The following RASGEF1B variants were observed in gnomAD, a reference collection of about 807,000 sequenced individuals.
RASGEF1B encodes the protein RasGEF domain family member 1B.
A neutral mutation model predicts 65.7 loss-of-function variants in RASGEF1B; 30 were observed. The ratio of observed to expected loss-of-function variants is 0.46; its 90% CI spans 0.34 to 0.62. The LOEUF is 0.62. Ranked by LOEUF, RASGEF1B falls within the 20% of genes least tolerant of loss-of-function variation. RASGEF1B has a pLI of 0.01. For missense variants in RASGEF1B, 495 were observed against 580.1 expected, an observed-to-expected ratio of 0.85 and a Z score of 1.51; for synonymous variants, 175 against 194.8, an observed-to-expected ratio of 0.90 and a Z score of 0.85.
At chr4:81,450,188 C>T (rs545132857) in intron 4 of RASGEF1B, among the ~76,000 whole-genome samples, 5 of 152,162 alleles carry the variant, frequency 3.3e-5, no homozygotes, top group South Asian at 4.2e-4. Flanking sequence ...ATTCCTATTT[C>T]CCCCTCCTCT....
At position 81,451,079 on chromosome 4, in the gene RASGEF1B, A is replaced by G. The variant is rs545065346; in HGVS notation, c.439-2795T>C. ...ACTATCCAGGGTAGAATCGCTTCTC[A>G]CCCTTTTGGCTAAGATCAAGTGCAG... On this transcript the variant is annotated intron_variant, in intron 4 of 13. Coordinates refer to ENST00000264400, the MANE Select transcript of RASGEF1B (RefSeq NM_152545.3). 3 of 152,274 alleles carry G rather than the reference A, an allele frequency of 2.0e-5. No homozygotes were observed. In the South Asian group the frequency reaches 6.2e-4, roughly 32 times the overall value. The allele number at this position is 152,274 out of a possible 1,614,324, so 9.4% of individuals were successfully genotyped here.
intron 4 of RASGEF1B, chr4:81,452,557 G>A (rs897436574): frequency 3.9e-5 from 6 of 152,222 alleles, no homozygotes; most frequent in African/African-American, 1.4e-4. Context: ...TAGTGTGTGA[G>A]CATGTGAGAG....
intron 1 of RASGEF1B, among the ~76,000 whole-genome samples, chr4:81,468,812 G>A (rs1414291224): frequency 6.6e-6 from 1 of 152,124 alleles, no homozygotes; most frequent in African/African-American, 2.4e-5. Flanking sequence ...TGAAGCGATA[G>A]TACAACAAAA....
In RASGEF1B at chr4:81,448,166, G is replaced by A. The variant is rs1358109144; in HGVS notation, c.557C>T (p.Thr186Ile). The A allele has an allele frequency of 2.5e-6, 4 of 1,614,032 alleles. No individual in the cohort carries two copies. In the African/African-American group the frequency reaches 5.3e-5, roughly 22 times the overall value. ...KISSTSTDRL[T>I]VLKTKPQSIQ... ...AGACTGTGGCTTGGTCTTGAGAACTGTGAGCCGATCTGTGGATGTGGAGCT... is the reference window on the plus strand; with the variant it reads ...AGACTGTGGCTTGGTCTTGAGAACTATGAGCCGATCTGTGGATGTGGAGCT... Residue 186 changes from threonine (T) to isoleucine (I), a missense_variant, in exon 5 of 14, where the codon ACA (threonine) becomes ATA (isoleucine). Physicochemically the swap from Thr to Ile is moderately conservative, Grantham distance 89. Transcript: ENST00000264400.
At chr4:81,461,776 C>A (rs1401636202) in intron 1 of RASGEF1B, among the ~76,000 whole-genome samples, 1 of 152,146 alleles carries the variant, frequency 6.6e-6, no homozygotes, top group African/African-American at 2.4e-5. Context: ...GGAGCCACAG[C>A]CCATGTGCCA....
intron 13 of RASGEF1B, among the ~76,000 whole-genome samples, chr4:81,430,463 A>G (rs1721391674): frequency 6.6e-6 from 1 of 152,202 alleles, no homozygotes; most frequent in Admixed American, 6.5e-5. Flanking sequence ...CCACCTATAG[A>G]TGGCAAAATA....
intron 1 of RASGEF1B, among the ~76,000 whole-genome samples, chr4:81,462,846 T>TACACAATTAC (rs1722694274): frequency 6.6e-6 from 1 of 152,204 alleles, no homozygotes; most frequent in African/African-American, 2.4e-5. Context: ...TGTAATTGTT[T>TACACAATTAC]ACTGACTACA....
chr4:81,442,416 G>T, intron 8 of RASGEF1B, 40 bp from the exon 9 acceptor site: 1 of 1,141,098 alleles, frequency 8.8e-7, no homozygotes, highest in Non-Finnish European at 1.3e-6. Flanking sequence ...AAGGAAAATT[G>T]AAAGAGAGAA....
chr4:81,434,611 T>A, intron 11 of RASGEF1B, 28 bp downstream of exon 11: 1 of 1,400,872 alleles, frequency 7.1e-7, no homozygotes, highest in South Asian at 1.2e-5. Context: ...TGTGCTTGGA[T>A]TTTTGTATCC....
chr4:81,428,742 A>T (rs1465173985), intron 13 of RASGEF1B, among the ~76,000 whole-genome samples: 2 of 152,210 alleles, frequency 1.3e-5, no homozygotes, highest in Admixed American at 6.5e-5. Context: ...TGGCCACAAG[A>T]AAAGAATATT....
At chr4:81,467,943 A>G (rs982188135) in intron 1 of RASGEF1B, among the ~76,000 whole-genome samples, 1 of 152,224 alleles carries the variant, frequency 6.6e-6, no homozygotes, top group African/African-American at 2.4e-5. Context: ...GCACAATCCA[A>G]TACAGCAGCC....
At chr4:81,454,011 T>C (rs1420903967) in intron 4 of RASGEF1B, 1 of 152,208 alleles carries the variant, frequency 6.6e-6, no homozygotes, top group African/African-American at 2.4e-5. Context: ...ACCCTTAGTT[T>C]AATCAATTCC....
intron 8 of RASGEF1B, 40 bp from the exon 9 acceptor site, chr4:81,442,416 GAA>G (rs1445340976): frequency 8.8e-7 from 1 of 1,140,982 alleles, no homozygotes; most frequent in Non-Finnish European, 1.3e-6. Flanking sequence ...AAGGAAAATT[GAA>G]AGAGAGAAAT....
rs773771479 is a variant in RASGEF1B, at chr4:81,442,354, G to A, written c.951C>T (p.Val317=). The A allele has an allele frequency of 1.2e-6, 2 of 1,612,430 alleles. No homozygotes were observed. Among genetic ancestry groups the A allele is most frequent in the Non-Finnish European group, 1.7e-6 (2 of 1,178,626 alleles). The change falls in exon 9 of 14, where the codon GTC becomes GTT. Residue 317 remains valine, a synonymous_variant. Coordinates refer to ENST00000264400, the MANE Select transcript of RASGEF1B (RefSeq NM_152545.3). The part of the protein sequence containing the change: ...AIISGMNMSP[V]SRLKKTWAKV... ...TGGCCCAAGTTTTTTTTAGTCGAGA[G>A]ACTGGGCTCATATTCATACCAGCTT...
chr4:81,445,818 C>T lies in RASGEF1B; in HGVS notation c.750G>A (p.Lys250=), dbSNP rs771776618. ...DNDKSCYSER[K]KTRNLEAYVE... ...CGTAAGCTTCTAAGTTTCGTGTTTTCTTCCGTTCACTGTAGCAACTCTTTA... is the reference window on the plus strand; with the variant it reads ...CGTAAGCTTCTAAGTTTCGTGTTTTTTTCCGTTCACTGTAGCAACTCTTTA... The change falls in exon 7 of 14, where the codon AAG becomes AAA. Residue 250 remains lysine, a synonymous_variant. Coordinates refer to ENST00000264400, the MANE Select transcript of RASGEF1B (RefSeq NM_152545.3). 1 of 1,613,858 alleles carries T rather than the reference C, an allele frequency of 6.2e-7. No homozygotes were observed. The highest frequency in any genetic ancestry group is 2.2e-5 in the East Asian group (1 of 44,868).
intron 12 of RASGEF1B, 138 bp downstream of exon 12, chr4:81,433,702 G>A (rs1721512155): frequency 1.3e-6 from 1 of 793,284 alleles, no homozygotes; most frequent in Non-Finnish European, 1.9e-6. Flanking sequence ...TACATTTTCT[G>A]TGAAACAGAA....
At chr4:81,467,226 A>G (rs1017964745) in intron 1 of RASGEF1B, among the ~76,000 whole-genome samples, 1 of 152,180 alleles carries the variant, frequency 6.6e-6, no homozygotes, top group Non-Finnish European at 1.5e-5. Flanking sequence ...GTTAATTTCC[A>G]TTCTGCTTGA....
intron 13 of RASGEF1B, 89 bp from the exon 14 acceptor site, chr4:81,427,881 C>G: frequency 7.7e-7 from 1 of 1,291,414 alleles, no homozygotes. Context: ...CTAATTTTAT[C>G]TTTCCTGTGT....
intron 4 of RASGEF1B, chr4:81,453,070 A>G (rs943981493): frequency 6.6e-6 from 1 of 152,094 alleles, no homozygotes; most frequent in Non-Finnish European, 1.5e-5. Context: ...ATTCCTTCCA[A>G]TAGAGGGAAA....
Sources: gnomAD v4.1 joint callset for allele counts (sites outside exome capture counted in the v4.1 genomes callset) on GRCh38, gnomAD v4.1.1 for gene constraint, MANE v1.5 for transcripts, NCBI Gene and HGNC (gene_info 2026-07-23, HGNC 2026-07-21) for gene names.